The following NFIB variants were observed in gnomAD, a reference collection of about 807,000 sequenced individuals.
NFIB encodes nuclear factor I B, also known as nuclear factor 1 B-type.
In NFIB, 11 loss-of-function variants were observed where a neutral mutation model predicts 61.5. That is an observed-to-expected ratio of 0.18 (90% CI 0.11 to 0.30). The LOEUF (loss-of-function observed/expected upper bound fraction) is 0.30, where lower values mean the gene tolerates loss of function less well. Among genes scored for constraint, NFIB ranks in the 10% least tolerant of loss-of-function variants. The pLI, the probability that NFIB is intolerant of heterozygous loss-of-function variation, is 1.00. For missense variants in NFIB, 471 were observed against 608.9 expected (o/e 0.77, Z 2.38); for synonymous variants, 260 against 216.5 (o/e 1.20, Z -1.76).
chr9:14,149,389 A>G (rs1310184404), intron 5 of NFIB, among the ~76,000 whole-genome samples: 3 of 152,310 alleles, frequency 2.0e-5, no homozygotes, highest in Non-Finnish European at 4.4e-5. Flanking sequence ...GTATGCTCTT[A>G]TATTTGATTA....
intron 10 of NFIB, among the ~76,000 whole-genome samples, chr9:14,097,337 G>C (rs920241499): frequency 1.3e-5 from 2 of 152,060 alleles, no homozygotes; most frequent in African/African-American, 4.8e-5. Context: ...GCCCAGAATG[G>C]TGTATAAAAA....
chr9:14,088,380 G>C, intron 10 of NFIB, 54 bp from the exon 11 acceptor site: 2 of 1,438,624 alleles, frequency 1.4e-6, no homozygotes, highest in Non-Finnish European at 1.9e-6. Flanking sequence ...AAAATACAAT[G>C]TTAAAATCTA....
At chr9:14,501,710 C>T in the NFIB span, among the ~76,000 whole-genome samples, 3 of 152,176 alleles carry the variant, frequency 2.0e-5, no homozygotes, top group African/African-American at 7.2e-5. Flanking sequence ...TTCTGTGCCT[C>T]GAAGCCCATT....
At chr9:14,441,848 T>C in the NFIB span, among the ~76,000 whole-genome samples, 712 of 152,326 alleles carry the variant, frequency 4.7e-3, 10 homozygotes, top group African/African-American at 0.016. Flanking sequence ...ACAGACCCTT[T>C]GTACAGTACA....
the NFIB span, among the ~76,000 whole-genome samples, chr9:14,499,875 G>A: frequency 6.6e-6 from 1 of 152,164 alleles, no homozygotes; most frequent in Non-Finnish European, 1.5e-5. Flanking sequence ...CTAGGCTGAA[G>A]GCAGTGTATT....
intron 2 of NFIB, among the ~76,000 whole-genome samples, chr9:14,181,061 T>C (rs996427763): frequency 7.2e-5 from 11 of 152,214 alleles, no homozygotes; most frequent in African/African-American, 2.7e-4. Context: ...GGGGTTATTC[T>C]GTCCTTCCAG....
At chr9:14,497,935 G>A in the NFIB span, among the ~76,000 whole-genome samples, 409 of 152,308 alleles carry the variant, frequency 2.7e-3, 6 homozygotes, top group East Asian at 1.9e-3. Flanking sequence ...AGAGATGGAG[G>A]AAGTACCAGA....
intron 2 of NFIB, among the ~76,000 whole-genome samples, chr9:14,229,369 T>C (rs147998993): frequency 9.1e-4 from 138 of 152,282 alleles, no homozygotes; most frequent in East Asian, 2.5e-3. Flanking sequence ...TATGAAGAAT[T>C]ATGCCAAATG....
At chr9:14,333,002 ATCAGGGGTAT>A (rs1293025447) in intron 1 of NFIB, among the ~76,000 whole-genome samples, 1 of 152,184 alleles carries the variant, frequency 6.6e-6, no homozygotes, top group Non-Finnish European at 1.5e-5. Context: ...CCTACAGTCA[ATCAGGGGTAT>A]TCAGGGGTAT....
At chr9:14,506,830 G>C in the NFIB span, among the ~76,000 whole-genome samples, 2 of 152,102 alleles carry the variant, frequency 1.3e-5, no homozygotes, top group African/African-American at 4.8e-5. Flanking sequence ...TTTTGGCATG[G>C]GAGCTGTTGA....
At chr9:14,380,086 T>C (rs944575733) in intron 1 of NFIB, among the ~76,000 whole-genome samples, 2 of 152,178 alleles carry the variant, frequency 1.3e-5, no homozygotes, top group Non-Finnish European at 2.9e-5. Flanking sequence ...ATTCAAATAA[T>C]ATACAATTTT....
At chr9:14,489,851 G>A in the NFIB span, among the ~76,000 whole-genome samples, 1 of 151,804 alleles carries the variant, frequency 6.6e-6, no homozygotes, top group African/African-American at 2.4e-5. Context: ...CATCTTAGTG[G>A]ATATAATACT....
At chr9:14,160,011 G>A (rs1245279513) in intron 3 of NFIB, among the ~76,000 whole-genome samples, 11 of 152,192 alleles carry the variant, frequency 7.2e-5, no homozygotes, top group Admixed American at 7.2e-4. Context: ...CTCTGAGGCA[G>A]AGCAGCTGCT....
At chr9:14,503,138 GTA>G in the NFIB span, among the ~76,000 whole-genome samples, 384 of 149,590 alleles carry the variant, frequency 2.6e-3, 4 homozygotes, top group African/African-American at 7.3e-3. Context: ...GTGTGTGTGT[GTA>G]TATATATAAA....
intron 10 of NFIB, among the ~76,000 whole-genome samples, chr9:14,109,725 GCTGA>G (rs548323989): frequency 4.7e-4 from 71 of 152,194 alleles, no homozygotes; most frequent in African/African-American, 1.7e-3. Context: ...GCTGGTATGT[GCTGA>G]CTATTGTGAC....
At chr9:14,503,296 G>A in the NFIB span, among the ~76,000 whole-genome samples, 1 of 151,806 alleles carries the variant, frequency 6.6e-6, no homozygotes, top group Non-Finnish European at 1.5e-5. Context: ...TTTTCCTCTG[G>A]GTAGATAACC....
the NFIB span, among the ~76,000 whole-genome samples, chr9:14,437,467 A>G: frequency 6.6e-6 from 1 of 152,176 alleles, no homozygotes; most frequent in Non-Finnish European, 1.5e-5. Flanking sequence ...ACATTAAACT[A>G]TTGAATTCAT....
Position 14,087,992 on chromosome 9 carries a change from G to T in NFIB, c.*317C>A. The T allele has an allele frequency of 2.9e-6, 1 of 341,136 alleles. No individual in the cohort carries two copies. The highest frequency in any genetic ancestry group is 5.1e-6 in the Non-Finnish European group (1 of 197,306). The allele number at this position is 341,136 out of a possible 1,614,324, so 21.1% of individuals were successfully genotyped here. ...GCAGGGGCTGCGATCTACCATCAGT[G>T]AAATATCATCGACCCTTTTTATGTC... On this transcript the variant is annotated 3_prime_UTR_variant, in exon 11 of 11. Coordinates refer to ENST00000380953, the MANE Select transcript of NFIB (RefSeq NM_001190737.2).
chr9:14,481,602 C>CT, the NFIB span, among the ~76,000 whole-genome samples: 2 of 152,114 alleles, frequency 1.3e-5, no homozygotes, highest in South Asian at 4.1e-4. Context: ...ACTTCTCCTC[C>CT]GTCGACTGAT....
Sources: gnomAD v4.1 joint callset for allele counts (sites outside exome capture counted in the v4.1 genomes callset) on GRCh38, gnomAD v4.1.1 for gene constraint, MANE v1.5 for transcripts, NCBI Gene and HGNC (gene_info 2026-07-23, HGNC 2026-07-21) for gene names.